The following MICAL3 variants were observed in gnomAD, a reference collection of about 807,000 sequenced individuals.
The protein encoded by MICAL3 is microtubule associated monooxygenase, calponin and LIM domain containing 3, also known as [F-actin]-monooxygenase MICAL3.
In MICAL3, 62 loss-of-function variants were observed where a neutral mutation model predicts 207.4. That is an observed-to-expected ratio of 0.30 (90% CI 0.24 to 0.37). The LOEUF is 0.37. Ranked by LOEUF, MICAL3 falls within the 10% of genes least tolerant of loss-of-function variation. MICAL3 has a pLI of 1.00. For missense variants in MICAL3, 2,368 were observed against 2,635.6 expected, an observed-to-expected ratio of 0.90 and a Z score of 2.22; for synonymous variants, 1,077 against 1,069.3, an observed-to-expected ratio of 1.01 and a Z score of -0.14.
intron 22 of MICAL3, 25 bp from the exon 23 acceptor site, chr22:17,823,085 A>G (rs1921817065): frequency 6.9e-7 from 1 of 1,446,946 alleles, no homozygotes; most frequent in Admixed American, 1.7e-5. Flanking sequence ...GGTTCAAAGG[A>G]AGGAAGAAAA....
At chr22:17,908,864 CT>C (rs1931939106) in intron 1 of MICAL3, among the ~76,000 whole-genome samples, 1 of 152,176 alleles carries the variant, frequency 6.6e-6, no homozygotes. Flanking sequence ...GCAGGTGCTG[CT>C]GAAACCAACT....
intron 1 of MICAL3, among the ~76,000 whole-genome samples, chr22:17,949,640 C>A (rs1934237371): frequency 6.6e-6 from 1 of 152,190 alleles, no homozygotes; most frequent in Non-Finnish European, 1.5e-5. Context: ...TATGATCCGA[C>A]AAGTTTTCAA....
At chr22:17,800,127 G>T (rs914622980) in intron 29 of MICAL3, among the ~76,000 whole-genome samples, 2 of 152,104 alleles carry the variant, frequency 1.3e-5, no homozygotes, top group African/African-American at 4.8e-5. Flanking sequence ...AGAAGGGCAG[G>T]GGCTGGCGTC....
At position 17,818,638 on chromosome 22, in the gene MICAL3, T is replaced by C; in HGVS notation, c.4023A>G (p.Thr1341=). 2 of 1,613,514 alleles carry C rather than the reference T, an allele frequency of 1.2e-6. No homozygotes were observed. Among genetic ancestry groups the C allele is most frequent in the Admixed American group, 3.3e-5 (2 of 60,018 alleles). Reference sequence around the variant, plus strand: ...CGGGCCCCTTGCTGCGGTCCACAGGTGTGAGCCCGAGGCTGCGGCGGATCT... The same window carrying C: ...CGGGCCCCTTGCTGCGGTCCACAGGCGTGAGCCCGAGGCTGCGGCGGATCT... The part of the protein sequence containing the change: ...SAEIRRSLGL[T]PVDRSKGPEP... Residue 1341 remains threonine, a synonymous_variant, in exon 26 of 32, where the codon ACA becomes ACG. Coordinates refer to ENST00000441493, the MANE Select transcript of MICAL3 (RefSeq NM_015241.3).
chr22:17,820,958 T>A, intron 25 of MICAL3, among the ~76,000 whole-genome samples: 1 of 142,484 alleles, frequency 7.0e-6, no homozygotes. Context: ...AAACATAAAT[T>A]TTAATAAATT....
chr22:17,807,634 C>A (rs2062001481), intron 29 of MICAL3, among the ~76,000 whole-genome samples: 1 of 152,162 alleles, frequency 6.6e-6, no homozygotes. Flanking sequence ...CCTTAAAGGG[C>A]CTGGGAAAGG....
At chr22:17,814,182 CCT>C (rs1279996381) in intron 27 of MICAL3, 5 of 152,266 alleles carry the variant, frequency 3.3e-5, no homozygotes, top group African/African-American at 9.6e-5. Context: ...CTTTAGAGCC[CCT>C]GTTCCCCACA....
At chr22:17,957,481 G>A (rs1019263792) in intron 1 of MICAL3, among the ~76,000 whole-genome samples, 1 of 152,200 alleles carries the variant, frequency 6.6e-6, no homozygotes, top group Admixed American at 6.5e-5. Context: ...CACTTTGGGA[G>A]GGAGGATCAC....
Position 17,822,866 on chromosome 22 carries a change from T to G in MICAL3, c.3307+81A>C, listed in dbSNP as rs898941718. On this transcript the variant is annotated intron_variant, in intron 23 of 31. Transcript: ENST00000441493. ...CCAGGAGGCCCAACGGCGGCCTCACTGAGCTTGATTTTGCTGGAAAGCATA... is the reference window on the plus strand; with the variant it reads ...CCAGGAGGCCCAACGGCGGCCTCACGGAGCTTGATTTTGCTGGAAAGCATA... The G allele has an allele frequency of 3.3e-6, 3 of 910,258 alleles. No homozygotes were observed. The African/African-American group carries it at 5.0e-5, about 15-fold the overall frequency. 56.4% of individuals were successfully genotyped at this position (910,258 alleles called of 1,614,324 possible).
chr22:17,950,769 C>T (rs1348237417), intron 1 of MICAL3, among the ~76,000 whole-genome samples: 1 of 152,206 alleles, frequency 6.6e-6, no homozygotes, highest in East Asian at 1.9e-4. Context: ...GGAACGACTG[C>T]TGTTGCTGAT....
intron 19 of MICAL3, among the ~76,000 whole-genome samples, chr22:17,843,836 C>G (rs1480045574): frequency 2.7e-5 from 4 of 150,308 alleles, no homozygotes; most frequent in African/African-American, 7.5e-5. Flanking sequence ...GTGGTAGCAG[C>G]CTGGTGTTAC....
At chr22:17,972,078 C>T (rs1042950792) in intron 1 of MICAL3, among the ~76,000 whole-genome samples, 1 of 152,228 alleles carries the variant, frequency 6.6e-6, no homozygotes, top group Non-Finnish European at 1.5e-5. Flanking sequence ...CCAGTGCGCT[C>T]CTCAAGGCAA....
chr22:17,876,177 G>A (rs952736868), intron 16 of MICAL3, among the ~76,000 whole-genome samples: 6 of 152,158 alleles, frequency 3.9e-5, no homozygotes, highest in Non-Finnish European at 8.8e-5. Flanking sequence ...ACTGCACATA[G>A]CACACGTAAC....
Position 17,896,501 on chromosome 22 carries a change from T to A in MICAL3, c.1207-140A>T, listed in dbSNP as rs890071148. The A allele has an allele frequency of 1.2e-5, 9 of 747,544 alleles. No individual in the cohort carries two copies. The African/African-American group carries it at 1.6e-4, about 13-fold the overall frequency. The allele number at this position is 747,544 out of a possible 1,614,324, so 46.3% of individuals were successfully genotyped here. On this transcript the variant is annotated intron_variant, in intron 8 of 31. Transcript: ENST00000441493. ...ATAACAAATTGCTCTCCTTCCCAGA[T>A]TGGCAAGGAGTAAGTCAAAAAGGGG... is the stretch of plus-strand genomic sequence containing the variant.
chr22:17,864,627 G>A (rs755633692), intron 19 of MICAL3: 6 of 1,565,530 alleles, frequency 3.8e-6, no homozygotes, highest in East Asian at 4.7e-5. Context: ...AGCACTTCAC[G>A]GCTCTGCCGC....
At chr22:17,988,645 CG>C (rs1921308677) in intron 1 of MICAL3, among the ~76,000 whole-genome samples, 1 of 151,892 alleles carries the variant, frequency 6.6e-6, no homozygotes, top group African/African-American at 2.4e-5. Context: ...TTAGTAGAGA[CG>C]GGGGTTTCAC....
intron 29 of MICAL3, among the ~76,000 whole-genome samples, chr22:17,806,383 C>A (rs1173074751): frequency 1.3e-5 from 2 of 151,568 alleles, no homozygotes; most frequent in Non-Finnish European, 2.9e-5. Flanking sequence ...TGTTTGGGAG[C>A]CTCTTGTTTG....
intron 1 of MICAL3, among the ~76,000 whole-genome samples, chr22:17,907,704 G>A (rs188831143): frequency 1.1e-4 from 16 of 152,280 alleles, no homozygotes; most frequent in Non-Finnish European, 1.9e-4. Flanking sequence ...GGGAGAGAAA[G>A]ATGAGCCCTC....
rs779990465 is a variant in MICAL3, at chr22:17,944,491, G to A, written c.-74-37605C>T. Among the ~76,000 whole-genome samples, 103 of 152,136 alleles carry A rather than the reference G, an allele frequency of 6.8e-4. 1 individual carries two copies. Among genetic ancestry groups the A allele is most frequent in the African/African-American group, 2.4e-3 (98 of 41,422 alleles). ...CAAGCATATTATTACATTAAGTCCCGAACAATGAAGTCGGAGGCAGGGAGA... is the reference window on the plus strand; with the variant it reads ...CAAGCATATTATTACATTAAGTCCCAAACAATGAAGTCGGAGGCAGGGAGA... On this transcript the variant is annotated intron_variant, in intron 1 of 31. Transcript: ENST00000441493.
Sources: gnomAD v4.1 joint callset for allele counts (sites outside exome capture counted in the v4.1 genomes callset) on GRCh38, gnomAD v4.1.1 for gene constraint, MANE v1.5 for transcripts, NCBI Gene and HGNC (gene_info 2026-07-23, HGNC 2026-07-21) for gene names.